RPTOR: variants seen among roughly 807,000 people sequenced by gnomAD.
RPTOR encodes the protein regulatory-associated protein of mTOR.
A neutral mutation model predicts 169.9 loss-of-function variants in RPTOR; 21 were observed. The observed-to-expected ratio is 0.12, with a 90% CI of 0.09 to 0.18. RPTOR has a LOEUF of 0.18. Ranked by LOEUF, RPTOR falls within the 10% of genes least tolerant of loss-of-function variation. RPTOR has a pLI of 1.00. For missense variants in RPTOR, 1,133 were observed against 1,855.9 expected (o/e 0.61, Z 7.16); for synonymous variants, 732 against 753.2 (o/e 0.97, Z 0.46).
At chr17:80,647,514 G>T (rs1034239851) in intron 3 of RPTOR, among the ~76,000 whole-genome samples, 1 of 152,176 alleles carries the variant, frequency 6.6e-6, no homozygotes, top group African/African-American at 2.4e-5. Context: ...GAGGGGCCTC[G>T]CTCTCTGTGT....
At chr17:80,752,717 G>T (rs149018671) in intron 5 of RPTOR, among the ~76,000 whole-genome samples, 19 of 152,324 alleles carry the variant, frequency 1.2e-4, no homozygotes, top group African/African-American at 4.6e-4. Flanking sequence ...GTTGAATGCT[G>T]TGGTTTTTTG....
At chr17:80,896,591 G>A (rs907336929) in intron 20 of RPTOR, among the ~76,000 whole-genome samples, 7 of 150,464 alleles carry the variant, frequency 4.7e-5, no homozygotes, top group African/African-American at 1.2e-4. Context: ...ACACGGCCGC[G>A]CCGTCACACC....
chr17:80,885,193 A>G (rs2143845093), intron 17 of RPTOR, 45 bp downstream of exon 17: 1 of 1,539,884 alleles, frequency 6.5e-7, no homozygotes. Flanking sequence ...CCCAGGCTGG[A>G]CCCCGTGACA....
At chr17:80,684,474 C>G (rs950768475) in intron 3 of RPTOR, among the ~76,000 whole-genome samples, 6 of 151,536 alleles carry the variant, frequency 4.0e-5, no homozygotes, top group African/African-American at 1.5e-4. Context: ...GGCATAGTCT[C>G]GCTCTGCCGC....
chr17:80,555,951 G>T (rs547382037), intron 1 of RPTOR, among the ~76,000 whole-genome samples: 1 of 152,274 alleles, frequency 6.6e-6, no homozygotes, highest in East Asian at 1.9e-4. Context: ...AAGCCCTGGG[G>T]GCTGGGCGTG....
intron 3 of RPTOR, among the ~76,000 whole-genome samples, chr17:80,704,300 A>G (rs1435507898): frequency 6.6e-6 from 1 of 152,224 alleles, no homozygotes; most frequent in East Asian, 1.9e-4. Context: ...GCTTTCATTT[A>G]TCAGCTGCCC....
chr17:80,571,721 G>C (rs900669546), intron 1 of RPTOR, among the ~76,000 whole-genome samples: 1 of 152,038 alleles, frequency 6.6e-6, no homozygotes, highest in Non-Finnish European at 1.5e-5. Flanking sequence ...GGGCTTCACC[G>C]TGTTGTCCAG....
intron 4 of RPTOR, among the ~76,000 whole-genome samples, chr17:80,727,845 G>A (rs551226272): frequency 3.3e-5 from 5 of 152,304 alleles, no homozygotes; most frequent in African/African-American, 9.6e-5. Context: ...CAGAAGGAAT[G>A]TGCCTTTAAA....
At chr17:80,811,362 T>C (rs1598322457) in intron 7 of RPTOR, among the ~76,000 whole-genome samples, 1 of 152,212 alleles carries the variant, frequency 6.6e-6, no homozygotes, top group African/African-American at 2.4e-5. Flanking sequence ...GTTCACCCTG[T>C]TCAGATGGTG....
chr17:80,801,020 C>T (rs2067151760), intron 7 of RPTOR, among the ~76,000 whole-genome samples: 1 of 152,208 alleles, frequency 6.6e-6, no homozygotes. Context: ...GCTGCAGCCC[C>T]ACAGCCCTGG....
intron 13 of RPTOR, among the ~76,000 whole-genome samples, chr17:80,875,524 A>C (rs1275303486): frequency 1.3e-5 from 2 of 152,100 alleles, no homozygotes; most frequent in African/African-American, 2.4e-5. Context: ...CCTGCTTTCT[A>C]CTCTGGCCTT....
intron 7 of RPTOR, among the ~76,000 whole-genome samples, chr17:80,814,859 C>G (rs1233543848): frequency 6.6e-6 from 1 of 152,158 alleles, no homozygotes; most frequent in Non-Finnish European, 1.5e-5. Flanking sequence ...GGAGCAGCCC[C>G]AAGCAGGGAA....
At chr17:80,830,926 G>A (rs1241756927) in intron 9 of RPTOR, among the ~76,000 whole-genome samples, 2 of 151,950 alleles carry the variant, frequency 1.3e-5, no homozygotes, top group Non-Finnish European at 2.9e-5. Context: ...TGTATTTTTT[G>A]TAGAGATGAG....
At chr17:80,561,298 A>T (rs559671033) in intron 1 of RPTOR, among the ~76,000 whole-genome samples, 1 of 136,408 alleles carries the variant, frequency 7.3e-6, no homozygotes, top group East Asian at 2.1e-4. Context: ...TTTAGTAGAG[A>T]TGGGGTTTCA....
At chr17:80,853,937 C>T (rs905714447) in intron 11 of RPTOR, among the ~76,000 whole-genome samples, 2 of 151,544 alleles carry the variant, frequency 1.3e-5, no homozygotes, top group Middle Eastern at 3.4e-3. Context: ...GCCGAGATTG[C>T]GCCACTGCAC....
At chr17:80,824,927 G>A (rs2067422056) in intron 9 of RPTOR, among the ~76,000 whole-genome samples, 1 of 152,190 alleles carries the variant, frequency 6.6e-6, no homozygotes, top group African/African-American at 2.4e-5. Context: ...GCAGGGAGGG[G>A]CATGTGGCAA....
At chr17:80,914,948 G>A (rs1034852668) in intron 21 of RPTOR, among the ~76,000 whole-genome samples, 4 of 152,098 alleles carry the variant, frequency 2.6e-5, no homozygotes, top group African/African-American at 9.7e-5. Context: ...TTCCAAGCCT[G>A]CCCATGGCTG....
At chr17:80,718,837 A>C (rs1394243210) in intron 4 of RPTOR, among the ~76,000 whole-genome samples, 1 of 152,234 alleles carries the variant, frequency 6.6e-6, no homozygotes, top group East Asian at 1.9e-4. Flanking sequence ...ATGTGGGCTT[A>C]GATAAATCCT....
intron 21 of RPTOR, among the ~76,000 whole-genome samples, chr17:80,920,074 C>T (rs116929860): frequency 0.018 from 2,733 of 152,324 alleles, 45 homozygotes; most frequent in Non-Finnish European, 0.028. Flanking sequence ...GTGCTGCGCT[C>T]TCTAAGATGG....
Sources: gnomAD v4.1 joint callset for allele counts (sites outside exome capture counted in the v4.1 genomes callset) on GRCh38, gnomAD v4.1.1 for gene constraint, MANE v1.5 for transcripts, NCBI Gene and HGNC (gene_info 2026-07-23, HGNC 2026-07-21) for gene names.